ADGRV1: variants seen among roughly 807,000 people sequenced by gnomAD.
ADGRV1 encodes G-protein coupled receptor 98.
Under a neutral mutation model 596.2 loss-of-function variants are expected in ADGRV1, and 359 were observed. That is an observed-to-expected ratio of 0.60 (90% CI 0.55 to 0.66). ADGRV1 has a LOEUF of 0.66. ADGRV1 is among the 30% of genes least tolerant of loss of function. The probability of loss-of-function intolerance (pLI) is 0.00; values close to 1 mark genes in which losing one functional copy is unlikely to be tolerated. For missense variants in ADGRV1, 7,274 were observed against 7,575.6 expected, an observed-to-expected ratio of 0.96 and a Z score of 1.48; for synonymous variants, 2,681 against 2,679.2, an observed-to-expected ratio of 1.00 and a Z score of -0.02.
At chr5:90,850,151 A>G (rs1004031600) in intron 79 of ADGRV1, among the ~76,000 whole-genome samples, 3 of 152,188 alleles carry the variant, frequency 2.0e-5, no homozygotes, top group African/African-American at 4.8e-5. Flanking sequence ...GTAACCACCT[A>G]CTTCATAGCA....
At chr5:91,072,361 G>C (rs2151393847) in intron 85 of ADGRV1, 86 bp from the exon 86 acceptor site, 1 of 1,191,336 alleles carries the variant, frequency 8.4e-7, no homozygotes, top group Non-Finnish European at 1.3e-6. Context: ...CAAAGAGCTA[G>C]TATAAAGTAG....
intron 83 of ADGRV1, among the ~76,000 whole-genome samples, chr5:90,909,000 T>C (rs1412878861): frequency 6.6e-6 from 1 of 152,060 alleles, no homozygotes; most frequent in African/African-American, 2.4e-5. Flanking sequence ...TTGCGGGAGA[T>C]TGGGAGCATT....
At chr5:91,035,627 T>G (rs1784796023) in intron 85 of ADGRV1, among the ~76,000 whole-genome samples, 1 of 151,556 alleles carries the variant, frequency 6.6e-6, no homozygotes. Flanking sequence ...TATCTTGAAT[T>G]GAGAAACCAA....
intron 71 of ADGRV1, among the ~76,000 whole-genome samples, 163 bp downstream of exon 71, chr5:90,803,045 ATAAT>A (rs528816194): frequency 5.7e-4 from 87 of 152,262 alleles, no homozygotes; most frequent in Non-Finnish European, 8.5e-4. Flanking sequence ...ATTATATAAA[ATAAT>A]TAGTCTATTT....
chr5:90,768,519 C>T (rs191250018), intron 59 of ADGRV1, among the ~76,000 whole-genome samples: 61 of 152,286 alleles, frequency 4.0e-4, no homozygotes, highest in Admixed American at 1.2e-3. Context: ...GTTATACCTA[C>T]GGTACATCCC....
chr5:90,720,190 T>C lies in ADGRV1; in HGVS notation c.9590T>C (p.Leu3197Ser), dbSNP rs727504685. 6.2e-7 allele frequency: 1 copy of C among 1,604,660 alleles called. No homozygotes were observed. The highest frequency in any genetic ancestry group is 2.2e-5 in the East Asian group (1 of 44,682). The change falls in exon 44 of 90, where the codon TTG becomes TCG. Residue 3197 changes from leucine (L) to serine (S), a missense_variant. Leu to Ser is a moderately radical substitution (Grantham distance 145). Around this residue, in one of 5 missense-constraint regions of ADGRV1, gnomAD observed 3,643 missense variants for 3,809.2 expected, o/e 0.96. Coordinates refer to ENST00000405460, the MANE Select transcript of ADGRV1 (RefSeq NM_032119.4). ...ACAGTTTTGCAAAACCAGGCCCCTT[T>C]GGGGCTATTCAGTATCTCTGCAGTT... Reference protein sequence around the residue: ...LITVLQNQAPLGLFSISAVEN... With the variant: ...LITVLQNQAPSGLFSISAVEN...
chr5:90,622,996 G>A (rs6870337), intron 5 of ADGRV1, among the ~76,000 whole-genome samples: 1 of 152,100 alleles, frequency 6.6e-6, no homozygotes. Context: ...CCGCCTTGGC[G>A]TCCCAAAGTG....
Position 90,840,729 on chromosome 5 carries a change from T to C in ADGRV1, c.16763T>C (p.Leu5588Ser). The C allele has an allele frequency of 6.2e-7, 1 of 1,614,030 alleles. No homozygotes were observed. The highest frequency in any genetic ancestry group is 8.5e-7 in the Non-Finnish European group (1 of 1,179,884). The change falls in exon 78 of 90, where the codon TTA (leucine) becomes TCA (serine). Residue 5588 changes from leucine (L) to serine (S), a missense_variant. Leu to Ser is a moderately radical substitution (Grantham distance 145). Transcript: ENST00000405460. ...DVILTPETGS[L>S]NSFPKRFQIV... ...ATCCTAACGCCAGAGACAGGATCTTTAAATTCATTTCCTAAACGCTTCCAG... is the reference window on the plus strand; with the variant it reads ...ATCCTAACGCCAGAGACAGGATCTTCAAATTCATTTCCTAAACGCTTCCAG...
intron 87 of ADGRV1, among the ~76,000 whole-genome samples, chr5:91,115,625 A>G (rs1450402532): frequency 6.6e-6 from 1 of 152,202 alleles, no homozygotes; most frequent in Admixed American, 6.5e-5. Context: ...GACCACACCT[A>G]TCTCACAAAA....
chr5:91,031,125 G>A, intron 85 of ADGRV1: 5 of 1,354,118 alleles, frequency 3.7e-6, no homozygotes, highest in Non-Finnish European at 3.1e-6. Flanking sequence ...ACAAGTAAAA[G>A]AACAGAAACA....
chr5:90,835,109 G>A (rs144618828), intron 77 of ADGRV1, among the ~76,000 whole-genome samples: 51 of 152,162 alleles, frequency 3.4e-4, no homozygotes, highest in Non-Finnish European at 6.6e-4. Flanking sequence ...TCAATATCTG[G>A]ACATTGAAGA....
chr5:90,894,950 A>G (rs770029997), intron 83 of ADGRV1, among the ~76,000 whole-genome samples: 2 of 151,862 alleles, frequency 1.3e-5, no homozygotes, highest in Non-Finnish European at 2.9e-5. Flanking sequence ...TTTTTTTCAG[A>G]CAGGGTCTTG....
At chr5:91,072,246 G>A (rs1347952920) in intron 85 of ADGRV1, among the ~76,000 whole-genome samples, 1 of 152,140 alleles carries the variant, frequency 6.6e-6, no homozygotes, top group Non-Finnish European at 1.5e-5. Flanking sequence ...GAATGTTCCA[G>A]GGAACCTACT....
intron 1 of ADGRV1, among the ~76,000 whole-genome samples, chr5:90,595,899 A>T (rs936449151): frequency 7.3e-6 from 1 of 136,260 alleles, no homozygotes; most frequent in African/African-American, 2.8e-5. Flanking sequence ...GACCCCCCCC[A>T]CCTCCCTCCC....
At chr5:90,812,465 C>CT (rs1487849968) in intron 74 of ADGRV1, among the ~76,000 whole-genome samples, 1 of 152,104 alleles carries the variant, frequency 6.6e-6, no homozygotes, top group Non-Finnish European at 1.5e-5. Context: ...AAGTACTTAA[C>CT]TTTTTTTATA....
chr5:90,987,297 C>T (rs1001336939), intron 85 of ADGRV1, among the ~76,000 whole-genome samples: 2 of 151,936 alleles, frequency 1.3e-5, no homozygotes, highest in African/African-American at 4.8e-5. Context: ...TGGTGAAACC[C>T]CATCTCTAGT....
intron 9 of ADGRV1, among the ~76,000 whole-genome samples, chr5:90,632,683 TAAGAA>T (rs1765651698): frequency 6.6e-6 from 1 of 152,186 alleles, no homozygotes; most frequent in African/African-American, 2.4e-5. Context: ...ACTTGAAAGC[TAAGAA>T]AAAAGTTGAA....
Position 90,614,899 on chromosome 5 carries a change from A to C in ADGRV1, c.87A>C (p.Gly29=). 1 of 1,608,366 alleles carries C rather than the reference A, an allele frequency of 6.2e-7. No individual in the cohort carries two copies. Among genetic ancestry groups the C allele is most frequent in the Non-Finnish European group, 8.5e-7 (1 of 1,176,316 alleles). The change falls in exon 2 of 90, where the codon GGA becomes GGC. Residue 29 remains glycine, a synonymous_variant. Coordinates refer to ENST00000405460, the MANE Select transcript of ADGRV1 (RefSeq NM_032119.4). ...LSALLILFVF[G]ETEIRFTGQT... The stretch of plus-strand genomic sequence containing the variant: ...CTTTACTCATCCTATTTGTGTTTGG[A>C]GAAACAGAAATAAGATTTACTGGAC...
intron 85 of ADGRV1, among the ~76,000 whole-genome samples, chr5:91,015,628 T>C (rs1460729934): frequency 6.6e-6 from 1 of 152,074 alleles, no homozygotes; most frequent in Non-Finnish European, 1.5e-5. Flanking sequence ...CCTTTACCAA[T>C]ATTTAATGCC....
Sources: allele counts gnomAD v4.1 joint callset (sites outside exome capture counted in the v4.1 genomes callset), GRCh38; gene constraint gnomAD v4.1.1; regional missense constraint gnomAD v4.1.1; transcripts MANE v1.5; gene names NCBI Gene and HGNC (gene_info 2026-07-23, HGNC 2026-07-21).